KLB: variants seen among roughly 807,000 people sequenced by gnomAD.
The protein encoded by KLB is beta-klotho.
A neutral mutation model predicts 88.4 loss-of-function variants in KLB; 44 were observed. The observed-to-expected ratio is 0.50, with a 90% CI of 0.39 to 0.64. The LOEUF is 0.64. KLB is among the 30% of genes least tolerant of loss of function. The pLI is 0.00. For missense variants in KLB, 1,137 were observed against 1,304.8 expected (o/e 0.87, Z 1.98); for synonymous variants, 548 against 513.4 (o/e 1.07, Z -0.91).
intron 3 of KLB, among the ~76,000 whole-genome samples, chr4:39,439,526 T>A (rs992562235): frequency 3.9e-5 from 6 of 151,986 alleles, no homozygotes; most frequent in Non-Finnish European, 7.4e-5. Flanking sequence ...AGTGCAGCGG[T>A]GCGATTTTGG....
chr4:39,447,316 G>C lies in KLB; in HGVS notation c.2590G>C (p.Val864Leu). 6.2e-7 allele frequency: 1 copy of C among 1,614,134 alleles called. No individual in the cohort carries two copies. Among genetic ancestry groups the C allele is most frequent in the Non-Finnish European group, 8.5e-7 (1 of 1,180,014 alleles). Residue 864 changes from valine to leucine, a missense_variant, in exon 4 of 5, where the codon GTG (valine) becomes CTG (leucine). By Grantham distance (32) the Val-to-Leu change is conservative (BLOSUM62 1). Transcript: ENST00000257408. The part of the protein sequence containing the change: ...TRLSSPTRLA[V>L]IPWGVRKLLR... ...CCTGAGCTCCCCCACGCGCCTGGCT[G>C]TGATTCCCTGGGGGGTGCGCAAGCT...
At chr4:39,435,550 C>T (rs1472300658) in intron 2 of KLB, among the ~76,000 whole-genome samples, 3 of 151,188 alleles carry the variant, frequency 2.0e-5, no homozygotes, top group Non-Finnish European at 4.4e-5. Flanking sequence ...TTCAGCCTCC[C>T]GAGTAGCTGG....
chr4:39,415,561 A>C (rs1330678886), intron 1 of KLB, among the ~76,000 whole-genome samples: 1 of 152,154 alleles, frequency 6.6e-6, no homozygotes, highest in Admixed American at 6.5e-5. Context: ...CTTATTACAT[A>C]ATGAAAATAA....
rs558119028 is a variant in KLB at position 39,451,357 on chromosome 4, T to C, written c.*2671T>C. ...CTTTGGAGTTTAAGCTTTTCTGAGA[T>C]GTGTTGTGAAAAATCTAACGTGTTT... On this transcript the variant is annotated 3_prime_UTR_variant, in exon 5 of 5. Coordinates refer to ENST00000257408, the MANE Select transcript of KLB (RefSeq NM_175737.4). The C allele has an allele frequency of 1.3e-5, 2 of 152,352 alleles. No individual in the cohort carries two copies. Among genetic ancestry groups the C allele is most frequent in the African/African-American group, 4.8e-5 (2 of 41,584 alleles). The allele number at this position is 152,352 out of a possible 1,614,324, so 9.4% of individuals were successfully genotyped here.
Position 39,407,873 on chromosome 4 carries a change from A to G in KLB, c.825+99A>G, listed in dbSNP as rs114307111. ...AATTCTCTTCACTGAAATCAAGGCA[A>G]CTGATTTTAAGCTAATTCAAAAGAT... is the stretch of plus-strand genomic sequence containing the variant. On this transcript the variant is annotated intron_variant, in intron 1 of 4. Coordinates refer to ENST00000257408, the MANE Select transcript of KLB (RefSeq NM_175737.4). 481 of 680,100 alleles carry G rather than the reference A, an allele frequency of 7.1e-4. 4 individuals are homozygous for G. The African/African-American group carries it at 8.1e-3, about 11-fold the overall frequency. The allele number at this position is 680,100 out of a possible 1,614,324, so 42.1% of individuals were successfully genotyped here.
chr4:39,448,484 A>G lies in KLB; in HGVS notation c.2933A>G (p.Gln978Arg), dbSNP rs1356573975. 6.2e-7 allele frequency: 1 copy of G among 1,614,176 alleles called. No individual in the cohort carries two copies. The highest frequency in any genetic ancestry group is 1.7e-5 in the Admixed American group (1 of 60,026). ...GAGAACAGTAGTTCTAGATGCAGTC[A>G]GACCCAAGAAAATACAGAGTGCACT... ...PFENSSSRCS[Q>R]TQENTECTVC... Residue 978 changes from glutamine (Q) to arginine (R), a missense_variant, in exon 5 of 5, where the codon CAG becomes CGG. This residue lies in a region of KLB where 426 missense variants were observed against 404.6 expected (regional missense o/e 1.05). Coordinates refer to ENST00000257408, the MANE Select transcript of KLB (RefSeq NM_175737.4).
At chr4:39,445,771 C>T (rs1191119804) in intron 3 of KLB, among the ~76,000 whole-genome samples, 2 of 151,854 alleles carry the variant, frequency 1.3e-5, no homozygotes, top group East Asian at 3.9e-4. Flanking sequence ...ATCTGCCCGC[C>T]TCAGCCTCCC....
In KLB at chr4:39,407,226, G is replaced by C; in HGVS notation, c.277G>C (p.Ala93Pro). Residue 93 changes from alanine (A) to proline (P), a missense_variant, in exon 1 of 5, where the codon GCA (alanine) becomes CCA (proline). By Grantham distance (27) the Ala-to-Pro change is conservative (BLOSUM62 -1). Transcript: ENST00000257408. The part of the protein sequence containing the change: ...KNFFWGIGTG[A>P]LQVEGSWKKD... Reference sequence around the variant, plus strand: ...CTTTTTCTGGGGTATTGGGACTGGAGCATTGCAAGTGGAAGGGAGTTGGAA... The same window carrying C: ...CTTTTTCTGGGGTATTGGGACTGGACCATTGCAAGTGGAAGGGAGTTGGAA... 1 of 1,614,160 alleles carries C rather than the reference G, an allele frequency of 6.2e-7. No individual in the cohort carries two copies. Among genetic ancestry groups the C allele is most frequent in the Non-Finnish European group, 8.5e-7 (1 of 1,180,026 alleles).
intron 1 of KLB, among the ~76,000 whole-genome samples, chr4:39,431,576 T>C (rs1188208047): frequency 2.6e-5 from 4 of 152,182 alleles, no homozygotes; most frequent in African/African-American, 4.8e-5. Flanking sequence ...TAAGGATCCT[T>C]GGGAATACCT....
rs1333501039 is a variant in KLB at position 39,448,283 on chromosome 4, A to G, written c.2750-18A>G. The G allele has an allele frequency of 3.3e-6, 5 of 1,529,764 alleles. No homozygotes were observed. The East Asian group carries it at 9.0e-5, about 28-fold the overall frequency. The allele number at this position is 1,529,764 out of a possible 1,614,324, so 94.8% of individuals were successfully genotyped here. A position where few individuals can be genotyped will look rare whatever the true frequency, so the allele number is the denominator to read the frequency against. ...CATAGTCCATTTGTGATTAATGTTA[A>G]TTTCTTATCTTTTTCAGCATACCTG... On this transcript the variant is annotated intron_variant, in intron 4 of 4. Coordinates refer to ENST00000257408, the MANE Select transcript of KLB (RefSeq NM_175737.4).
chr4:39,414,435 G>A (rs962499155), intron 1 of KLB, among the ~76,000 whole-genome samples: 1 of 151,862 alleles, frequency 6.6e-6, no homozygotes, highest in Admixed American at 6.6e-5. Flanking sequence ...TGCCTTATTT[G>A]TGAAATACTT....
Position 39,416,521 on chromosome 4 carries a change from C to T in KLB, c.825+8747C>T, listed in dbSNP as rs6837689. Among the ~76,000 whole-genome samples the T allele has an allele frequency of 9.8e-3, 1,497 of 152,148 alleles. 13 individuals carry two copies. Among genetic ancestry groups the T allele is most frequent in the Non-Finnish European group, 0.016 (1,108 of 68,002 alleles). The stretch of plus-strand genomic sequence containing the variant: ...AAGGGTCAAGTGCAGTGACTCATGC[C>T]GGTAATCCCAACACTTTGGGAGGCT... On this transcript the variant is annotated intron_variant, in intron 1 of 4. Coordinates refer to ENST00000257408, the MANE Select transcript of KLB (RefSeq NM_175737.4).
chr4:39,415,061 T>A (rs760537230), intron 1 of KLB, among the ~76,000 whole-genome samples: 11 of 151,760 alleles, frequency 7.2e-5, no homozygotes, highest in Non-Finnish European at 1.6e-4. Context: ...TACAGGAATG[T>A]GCCACCACTC....
intron 4 of KLB, among the ~76,000 whole-genome samples, chr4:39,447,874 A>G (rs760759120): frequency 5.3e-5 from 8 of 152,210 alleles, no homozygotes; most frequent in African/African-American, 2.4e-5. Context: ...AAATAACCAC[A>G]TCATGGTAGC....
intron 1 of KLB, among the ~76,000 whole-genome samples, chr4:39,412,841 G>T (rs1187233571): frequency 6.6e-6 from 1 of 152,212 alleles, no homozygotes; most frequent in Non-Finnish European, 1.5e-5. Flanking sequence ...TTGGTTAAAT[G>T]AATGGTTTAG....
At chr4:39,447,743 G>A (rs1416900098) in intron 4 of KLB, among the ~76,000 whole-genome samples, 1 of 152,176 alleles carries the variant, frequency 6.6e-6, no homozygotes, top group Non-Finnish European at 1.5e-5. Context: ...AGGATAAACA[G>A]TCACTATTTT....
At chr4:39,425,979 C>T (rs529806501) in intron 1 of KLB, among the ~76,000 whole-genome samples, 2 of 149,988 alleles carry the variant, frequency 1.3e-5, no homozygotes, top group South Asian at 2.1e-4. Flanking sequence ...CTAGGCCGGG[C>T]GCTTGGCTCA....
chr4:39,445,394 C>A (rs1390069018), intron 3 of KLB, among the ~76,000 whole-genome samples: 2 of 152,152 alleles, frequency 1.3e-5, no homozygotes, highest in African/African-American at 2.4e-5. Flanking sequence ...TCCTTTCCAC[C>A]CATAACCCAT....
intron 1 of KLB, among the ~76,000 whole-genome samples, chr4:39,425,961 C>T (rs895762911): frequency 6.6e-6 from 1 of 151,392 alleles, no homozygotes; most frequent in African/African-American, 2.4e-5. Context: ...CTACTAAAAA[C>T]ACAAAAACTA....
Sources: allele counts gnomAD v4.1 joint callset (sites outside exome capture counted in the v4.1 genomes callset), GRCh38; gene constraint gnomAD v4.1.1; regional missense constraint gnomAD v4.1.1; transcripts MANE v1.5; gene names NCBI Gene and HGNC (gene_info 2026-07-23, HGNC 2026-07-21).